The following RABGEF1 variants were observed in gnomAD, a reference collection of about 807,000 sequenced individuals.
RABGEF1 encodes rab5 GDP/GTP exchange factor.
In RABGEF1, 26 loss-of-function variants were observed where a neutral mutation model predicts 57.3. The ratio of observed to expected loss-of-function variants is 0.45; its 90% CI spans 0.33 to 0.63. The LOEUF (loss-of-function observed/expected upper bound fraction) is 0.63, where lower values mean the gene tolerates loss of function less well. RABGEF1 is among the 20% of genes least tolerant of loss of function. The pLI, the probability that RABGEF1 is intolerant of heterozygous loss-of-function variation, is 0.02. For synonymous variants in RABGEF1, 185 were observed against 210.7 expected (o/e 0.88, Z 1.06); for missense variants, 464 against 607.6 (o/e 0.76, Z 2.48).
At chr7:66,794,568 TAAA>T (rs1413033187) in intron 4 of RABGEF1, among the ~76,000 whole-genome samples, 1 of 152,082 alleles carries the variant, frequency 6.6e-6, no homozygotes, top group Admixed American at 6.6e-5. Flanking sequence ...TAAAACCAAA[TAAA>T]AATTATCAAG....
intron 1 of RABGEF1, among the ~76,000 whole-genome samples, chr7:66,691,024 G>T (rs1181006902): frequency 6.6e-6 from 1 of 152,140 alleles, no homozygotes; most frequent in Non-Finnish European, 1.5e-5. Flanking sequence ...CGGGGAGGCA[G>T]GGGTTGCAGT....
At chr7:66,714,355 T>A (rs1236792633) in intron 2 of RABGEF1, among the ~76,000 whole-genome samples, 1 of 152,250 alleles carries the variant, frequency 6.6e-6, no homozygotes, top group Non-Finnish European at 1.5e-5. Flanking sequence ...GATATAGACT[T>A]GTTCATAATA....
At chr7:66,786,198 GGTCAA>G (rs1811150597) in intron 4 of RABGEF1, among the ~76,000 whole-genome samples, 1 of 152,026 alleles carries the variant, frequency 6.6e-6, no homozygotes, top group Non-Finnish European at 1.5e-5. Flanking sequence ...TCAGCATATG[GGTCAA>G]GTCTAGAAAA....
intron 1 of RABGEF1, among the ~76,000 whole-genome samples, chr7:66,745,362 A>G (rs1799960398): frequency 2.0e-5 from 3 of 152,174 alleles, no homozygotes. Context: ...AAACATCTCT[A>G]GCAGAGATGA....
chr7:66,788,840 A>C (rs1042376340), intron 4 of RABGEF1, among the ~76,000 whole-genome samples: 6 of 152,126 alleles, frequency 3.9e-5, no homozygotes, highest in Non-Finnish European at 7.3e-5. Context: ...CTGTAATCCC[A>C]GCTACTAGGG....
intron 1 of RABGEF1, among the ~76,000 whole-genome samples, chr7:66,748,036 T>A (rs576220385): frequency 1.3e-5 from 2 of 152,284 alleles, no homozygotes; most frequent in South Asian, 2.1e-4. Flanking sequence ...TGGCTTTGCT[T>A]TTGAGTAGCC....
chr7:66,806,446 A>G (rs1445786109), intron 8 of RABGEF1, among the ~76,000 whole-genome samples: 1 of 152,088 alleles, frequency 6.6e-6, no homozygotes, highest in Non-Finnish European at 1.5e-5. Context: ...GTGTTCAGCT[A>G]CATGTTACTG....
chr7:66,705,316 A>C (rs950833108), intron 1 of RABGEF1, among the ~76,000 whole-genome samples: 1 of 151,998 alleles, frequency 6.6e-6, no homozygotes, highest in Non-Finnish European at 1.5e-5. Flanking sequence ...CCAAAAATGA[A>C]ATCCCACCTA....
chr7:66,661,787 T>C, the RABGEF1 span, among the ~76,000 whole-genome samples: 2,477 of 152,334 alleles, frequency 0.016, 47 homozygotes, highest in Middle Eastern at 0.027. Flanking sequence ...AGCATTGCCT[T>C]GATGCTAGGG....
At chr7:66,774,450 TC>T (rs1808012380) in intron 2 of RABGEF1, among the ~76,000 whole-genome samples, 1 of 152,204 alleles carries the variant, frequency 6.6e-6, no homozygotes, top group African/African-American at 2.4e-5. Flanking sequence ...CAATCAAGAT[TC>T]CCTACCCTCT....
chr7:66,810,786 C>G lies in RABGEF1; in HGVS notation c.*1502C>G, dbSNP rs1014496631. ...AGCTGAGAAAGGTTCTCTTGCTTTT[C>G]CAGTATCTTCCTAAGGATGGAGCCC... is the stretch of plus-strand genomic sequence containing the variant. On this transcript the variant is annotated 3_prime_UTR_variant, in exon 9 of 9. Transcript: ENST00000284957. 4 of 152,196 alleles carry G rather than the reference C, an allele frequency of 2.6e-5. No homozygotes were observed. The highest frequency in any genetic ancestry group is 9.7e-5 in the African/African-American group (4 of 41,448). 9.4% of individuals were successfully genotyped at this position (152,196 alleles called of 1,614,324 possible).
At chr7:66,706,191 C>T (rs371077070) in intron 1 of RABGEF1, among the ~76,000 whole-genome samples, 6 of 151,974 alleles carry the variant, frequency 3.9e-5, no homozygotes, top group Non-Finnish European at 8.8e-5. Flanking sequence ...CATGAGCCAC[C>T]GTGCCCGGCC....
At chr7:66,693,919 T>C (rs188760886) in intron 1 of RABGEF1, among the ~76,000 whole-genome samples, 1 of 152,180 alleles carries the variant, frequency 6.6e-6, no homozygotes, top group East Asian at 1.9e-4. Context: ...GCGATTCTCC[T>C]GCCTCATCCA....
chr7:66,810,287 T>G lies in RABGEF1; in HGVS notation c.*1003T>G, dbSNP rs1010231508. 8 of 152,244 alleles carry G rather than the reference T, an allele frequency of 5.3e-5. No individual in the cohort carries two copies. The highest frequency in any genetic ancestry group is 1.9e-4 in the African/African-American group (8 of 41,464). The allele number at this position is 152,244 out of a possible 1,614,324, so 9.4% of individuals were successfully genotyped here. A position where few individuals can be genotyped will look rare whatever the true frequency, so the allele number is the denominator to read the frequency against. ...ATTTCAACCTCGGGACTATTCATAT[T>G]AGTGGCCTGAGAGGTGTTTGTTGTG... On this transcript the variant is annotated 3_prime_UTR_variant, in exon 9 of 9. Coordinates refer to ENST00000284957, the MANE Select transcript of RABGEF1 (RefSeq NM_014504.3).
chr7:66,789,372 G>GA (rs1812018867), intron 4 of RABGEF1, among the ~76,000 whole-genome samples: 1 of 151,912 alleles, frequency 6.6e-6, no homozygotes, highest in South Asian at 2.1e-4. Flanking sequence ...AAGTCATAAG[G>GA]AAAAAAAGTA....
In RABGEF1 at chr7:66,797,378, T is replaced by G. The variant is rs1786249493; in HGVS notation, c.600T>G (p.Pro200=). 1 of 1,606,346 alleles carries G rather than the reference T, an allele frequency of 6.2e-7. No homozygotes were observed. The highest frequency in any genetic ancestry group is 8.5e-7 in the Non-Finnish European group (1 of 1,177,542). Reference sequence around the variant, plus strand: ...TTCTCTGTCTGGTTATTTCAGTGCCTCCAGAAAGAGTCGAGAAGATAATGG... The same window carrying G: ...TTCTCTGTCTGGTTATTTCAGTGCCGCCAGAAAGAGTCGAGAAGATAATGG... The part of the protein sequence containing the change: ...AERMQTRGKV[P]PERVEKIMDQ... Residue 200 remains proline (P), a synonymous_variant, in exon 6 of 9, where the codon CCT becomes CCG. Transcript: ENST00000284957.
chr7:66,778,017 CA>C (rs1808953883), intron 3 of RABGEF1, among the ~76,000 whole-genome samples: 1 of 152,100 alleles, frequency 6.6e-6, no homozygotes, highest in Non-Finnish European at 1.5e-5. Flanking sequence ...AAGAAGATTC[CA>C]TTGTATCTTT....
intron 8 of RABGEF1, among the ~76,000 whole-genome samples, chr7:66,806,994 G>A (rs962386170): frequency 5.9e-5 from 9 of 152,140 alleles, no homozygotes; most frequent in African/African-American, 1.9e-4. Context: ...AGGGAAGAGC[G>A]TTTTGGATTC....
chr7:66,744,708 AC>A (rs1799811796), intron 1 of RABGEF1, among the ~76,000 whole-genome samples: 1 of 150,348 alleles, frequency 6.7e-6, no homozygotes, highest in Non-Finnish European at 1.5e-5. Flanking sequence ...GTGAATGTAT[AC>A]TCATTTCCTA....
Sources: gnomAD v4.1 joint callset for allele counts (sites outside exome capture counted in the v4.1 genomes callset) on GRCh38, gnomAD v4.1.1 for gene constraint, MANE v1.5 for transcripts, NCBI Gene and HGNC (gene_info 2026-07-23, HGNC 2026-07-21) for gene names.